FOXP1: variants seen among roughly 807,000 people sequenced by gnomAD.
The protein encoded by FOXP1 is forkhead box protein P1.
A neutral mutation model predicts 98.2 loss-of-function variants in FOXP1; 15 were observed. That is an observed-to-expected ratio of 0.15 (90% CI 0.10 to 0.24). The LOEUF is 0.24. FOXP1 is among the 10% of genes least tolerant of loss of function. The pLI, the probability that FOXP1 is intolerant of heterozygous loss-of-function variation, is 1.00. For synonymous variants in FOXP1, 371 were observed against 314.5 expected (o/e 1.18, Z -1.90); for missense variants, 633 against 848.5 (o/e 0.75, Z 3.15).
chr3:71,459,794 T>A (rs2087850433), intron 3 of FOXP1, among the ~76,000 whole-genome samples: 1 of 152,146 alleles, frequency 6.6e-6, no homozygotes, highest in Non-Finnish European at 1.5e-5. Context: ...AATTAATCAG[T>A]GTGTTAAGCT....
At chr3:71,094,893 T>C (rs983688334) in intron 7 of FOXP1, among the ~76,000 whole-genome samples, 1 of 152,200 alleles carries the variant, frequency 6.6e-6, no homozygotes, top group African/African-American at 2.4e-5. Context: ...CAAGATCCTT[T>C]TATAAACCAG....
At chr3:71,468,335 C>T (rs1201057898) in intron 3 of FOXP1, among the ~76,000 whole-genome samples, 1 of 152,088 alleles carries the variant, frequency 6.6e-6, no homozygotes, top group Non-Finnish European at 1.5e-5. Context: ...ATAAGTATGC[C>T]TGATTGACGT....
intron 4 of FOXP1, among the ~76,000 whole-genome samples, chr3:71,304,399 CTTTG>C (rs2074101576): frequency 6.6e-6 from 1 of 152,176 alleles, no homozygotes; most frequent in African/African-American, 2.4e-5. Context: ...CTAACAAAGC[CTTTG>C]TTTTAGATTC....
chr3:71,544,746 T>C (rs548374087), intron 2 of FOXP1, among the ~76,000 whole-genome samples: 1 of 152,344 alleles, frequency 6.6e-6, no homozygotes, highest in Non-Finnish European at 1.5e-5. Flanking sequence ...AATCGTCATG[T>C]ATTTTACAAA....
chr3:71,299,480 A>G (rs116823433), intron 5 of FOXP1, among the ~76,000 whole-genome samples: 1 of 152,252 alleles, frequency 6.6e-6, no homozygotes. Flanking sequence ...CAGCAAGTTA[A>G]TTTTATGAAT....
chr3:71,140,694 C>T (rs2060024877), intron 6 of FOXP1, among the ~76,000 whole-genome samples: 1 of 152,160 alleles, frequency 6.6e-6, no homozygotes, highest in Non-Finnish European at 1.5e-5. Flanking sequence ...TGCCCAATGT[C>T]ACACAGCTTC....
intron 5 of FOXP1, among the ~76,000 whole-genome samples, chr3:71,198,948 G>C (rs538003653): frequency 6.6e-6 from 1 of 151,780 alleles, no homozygotes; most frequent in Non-Finnish European, 1.5e-5. Flanking sequence ...CACCCGCCTC[G>C]GCCTCCCAAA....
At chr3:71,513,695 C>A (rs1424308492) in intron 2 of FOXP1, among the ~76,000 whole-genome samples, 2 of 152,070 alleles carry the variant, frequency 1.3e-5, no homozygotes, top group South Asian at 2.1e-4. Flanking sequence ...TTTGTCATAC[C>A]CCAAACTGAA....
At chr3:71,495,728 C>T (rs1210805618) in intron 2 of FOXP1, among the ~76,000 whole-genome samples, 1 of 152,040 alleles carries the variant, frequency 6.6e-6, no homozygotes, top group East Asian at 1.9e-4. Context: ...AAGCTTGTGC[C>T]CATGGGAACT....
intron 5 of FOXP1, among the ~76,000 whole-genome samples, chr3:71,261,109 T>A (rs2069098574): frequency 6.6e-6 from 1 of 152,152 alleles, no homozygotes; most frequent in Non-Finnish European, 1.5e-5. Flanking sequence ...ATAATATAGT[T>A]CAAGATAAGA....
At chr3:71,123,056 G>A (rs1281100991) in intron 6 of FOXP1, among the ~76,000 whole-genome samples, 1 of 151,918 alleles carries the variant, frequency 6.6e-6, no homozygotes, top group Non-Finnish European at 1.5e-5. Flanking sequence ...ACCTTTCCAT[G>A]GCCAGGACTC....
intron 6 of FOXP1, among the ~76,000 whole-genome samples, chr3:71,170,862 T>TGA (rs1374037018): frequency 1.2e-4 from 18 of 152,250 alleles, no homozygotes; most frequent in Non-Finnish European, 7.3e-5. Flanking sequence ...CTTTCCTCTC[T>TGA]GAGCTCCAGC....
At chr3:71,505,072 T>C (rs1207333290) in intron 2 of FOXP1, among the ~76,000 whole-genome samples, 1 of 152,198 alleles carries the variant, frequency 6.6e-6, no homozygotes, top group African/African-American at 2.4e-5. Flanking sequence ...CCAAGCCTCG[T>C]CCCTTAACCA....
chr3:71,226,499 C>T lies in FOXP1; in HGVS notation c.-11-28107G>A, dbSNP rs527853429. ...CACCTATGCAAGAGCCTCTTCCAGG[C>T]ACAAGTGATGGCAGGGTCTACTCTG... On this transcript the variant is annotated intron_variant, in intron 5 of 20. Coordinates refer to ENST00000649528, the MANE Select transcript of FOXP1 (RefSeq NM_001349338.3). 1.1e-4 allele frequency among the ~76,000 whole-genome samples: 16 copies of T among 152,160 alleles called. No homozygotes were observed. The South Asian group carries it at 1.9e-3, about 18-fold the overall frequency.
intron 5 of FOXP1, among the ~76,000 whole-genome samples, chr3:71,282,870 T>C (rs988058508): frequency 9.2e-5 from 14 of 152,178 alleles, no homozygotes; most frequent in Admixed American, 7.2e-4. Flanking sequence ...TCCAAGTCCA[T>C]TCCCGCCTGG....
intron 3 of FOXP1, among the ~76,000 whole-genome samples, chr3:71,461,163 A>C (rs2088059712): frequency 6.6e-6 from 1 of 152,214 alleles, no homozygotes; most frequent in South Asian, 2.1e-4. Flanking sequence ...AATGGTGCCT[A>C]AAAGTTATAA....
At chr3:71,394,256 C>T (rs111840264) in intron 3 of FOXP1, among the ~76,000 whole-genome samples, 3 of 152,286 alleles carry the variant, frequency 2.0e-5, no homozygotes, top group Admixed American at 6.5e-5. Flanking sequence ...TTTAGAGATA[C>T]GTTTTTAAAA....
chr3:71,104,382 CAAG>C (rs2057252037), intron 7 of FOXP1, among the ~76,000 whole-genome samples: 1 of 152,164 alleles, frequency 6.6e-6, no homozygotes, highest in Non-Finnish European at 1.5e-5. Context: ...ACAGCCTATC[CAAG>C]AAGAAGCCGC....
intron 6 of FOXP1, among the ~76,000 whole-genome samples, chr3:71,143,265 AATTG>A (rs2060155608): frequency 6.6e-6 from 1 of 152,162 alleles, no homozygotes; most frequent in East Asian, 1.9e-4. Flanking sequence ...ACAAATACGG[AATTG>A]TCCTTGGCTA....
Sources: allele counts gnomAD v4.1 joint callset (sites outside exome capture counted in the v4.1 genomes callset), GRCh38; gene constraint gnomAD v4.1.1; transcripts MANE v1.5; gene names NCBI Gene and HGNC (gene_info 2026-07-23, HGNC 2026-07-21).